The following MED1 variants were observed in gnomAD, a reference collection of about 807,000 sequenced individuals.
The protein encoded by MED1 is mediator of RNA polymerase II transcription subunit 1.
Under a neutral mutation model 121.3 loss-of-function variants are expected in MED1, and 17 were observed. The observed-to-expected ratio is 0.14, with a 90% CI of 0.10 to 0.21. MED1 has a LOEUF of 0.21. Among genes scored for constraint, MED1 ranks in the 10% least tolerant of loss-of-function variants. The pLI is 1.00. For missense variants in MED1, 1,558 were observed against 1,919.4 expected (o/e 0.81, Z 3.52); for synonymous variants, 661 against 694.4 (o/e 0.95, Z 0.76).
At chr17:39,423,936 G>C in intron 11 of MED1, 115 bp from the exon 12 acceptor site, 1 of 1,233,732 alleles carries the variant, frequency 8.1e-7, no homozygotes, top group Non-Finnish European at 1.1e-6. Flanking sequence ...AGGCTAGAGT[G>C]CAATGGCGTG....
rs2048318195 is a variant in MED1 at position 39,407,877 on chromosome 17, G to A, written c.4344C>T (p.Pro1448=). 1.2e-6 allele frequency: 2 copies of A among 1,614,030 alleles called. No homozygotes were observed. Among genetic ancestry groups the A allele is most frequent in the Admixed American group, 1.7e-5 (1 of 60,000 alleles). The change falls in exon 17 of 17, where the codon CCC becomes CCT. Residue 1448 remains proline (P), a synonymous_variant. Transcript: ENST00000300651. ...GSTPKHERGS[P]SHSKSPAYTP... ...TATATGCTGGTGACTTACTATGGCT[G>A]GGAGAGCCACGCTCATGCTTTGGAG...
At chr17:39,427,571 G>T in intron 10 of MED1, 130 bp downstream of exon 10, 1 of 622,070 alleles carries the variant, frequency 1.6e-6, no homozygotes, top group Non-Finnish European at 2.9e-6. Context: ...ACATATACGT[G>T]TGTGAGGTGT....
At position 39,432,016 on chromosome 17, in the gene MED1, G is replaced by T; in HGVS notation, c.501C>A (p.Asn167Lys). 1 of 1,600,212 alleles carries T rather than the reference G, an allele frequency of 6.2e-7. No homozygotes were observed. The highest frequency in any genetic ancestry group is 8.6e-7 in the Non-Finnish European group (1 of 1,167,598). Residue 167 changes from asparagine to lysine, a missense_variant and splice_region_variant, in exon 8 of 17, where the codon AAC (asparagine) becomes AAA (lysine). Physicochemically the swap from Asn to Lys is moderately conservative, Grantham distance 94. Transcript: ENST00000300651. ...CCAAGTACATTTTAGTCTTCAGTTT[G>T]CTGGAGAGTAGATGAGAAGAACATG... ...LVNLYNLPGD[N>K]KLKTKMYLAL... is the part of the protein sequence containing the mutation.
In MED1 at chr17:39,405,221, G is replaced by A; in HGVS notation, c.*2254C>T. 2 of 1,578,682 alleles carry A rather than the reference G, an allele frequency of 1.3e-6. No homozygotes were observed. Among genetic ancestry groups the A allele is most frequent in the Non-Finnish European group, 1.7e-6 (2 of 1,161,874 alleles). ...TTAGCCCCGGCTCCCTGTTAAGCAA[G>A]TTCAGATGCTGGGTCAGTGTGGGGG... is the stretch of plus-strand genomic sequence containing the variant. On this transcript the variant is annotated 3_prime_UTR_variant, in exon 17 of 17. Transcript: ENST00000300651.
intron 16 of MED1, among the ~76,000 whole-genome samples, chr17:39,411,549 G>A (rs1567639860): frequency 1.3e-5 from 2 of 152,138 alleles, no homozygotes; most frequent in Admixed American, 6.6e-5. Flanking sequence ...TTGAACCCAG[G>A]AGGCAGAGAT....
At chr17:39,422,020 C>G (rs1164807825) in intron 13 of MED1, among the ~76,000 whole-genome samples, 2 of 149,000 alleles carry the variant, frequency 1.3e-5, no homozygotes, top group East Asian at 2.1e-4. Context: ...CCCAGCTACT[C>G]AGGAGGCTGA....
intron 7 of MED1, among the ~76,000 whole-genome samples, chr17:39,433,245 C>T (rs1157013693): frequency 2.0e-5 from 3 of 150,456 alleles, no homozygotes; most frequent in East Asian, 2.0e-4. Flanking sequence ...GGCGCATAGC[C>T]GTAAACCCAG....
In MED1 at chr17:39,407,216, C is replaced by A. The variant is rs2048310537; in HGVS notation, c.*259G>T. ...CCCTACACCCCTCCCACCCCCCTCC[C>A]TTTCTTAAGCAAGTATTTTAACTTT... On this transcript the variant is annotated 3_prime_UTR_variant, in exon 17 of 17. Coordinates refer to ENST00000300651, the MANE Select transcript of MED1 (RefSeq NM_004774.4). The A allele has an allele frequency of 5.6e-5, 20 of 357,194 alleles. No individual in the cohort carries two copies. The highest frequency in any genetic ancestry group is 6.9e-5 in the Non-Finnish European group (19 of 274,944). 22.1% of individuals were successfully genotyped at this position (357,194 alleles called of 1,614,324 possible).
chr17:39,417,897 G>C (rs757787111), intron 14 of MED1, among the ~76,000 whole-genome samples: 11 of 151,850 alleles, frequency 7.2e-5, no homozygotes, highest in Non-Finnish European at 1.0e-4. Flanking sequence ...TAGGAGGGTG[G>C]ATCACGAGGT....
At position 39,410,349 on chromosome 17, in the gene MED1, A is replaced by G; in HGVS notation, c.1872T>C (p.Pro624=). ...GGSTIGSSPT[P]PHHTPPPVSS... ...AGACAGGTGGCGGCGTGTGATGAGG[A>G]GGGGTCGGACTCGAGCCAATGGTAG... is the stretch of plus-strand genomic sequence containing the variant. Residue 624 remains proline, a synonymous_variant, in exon 17 of 17, where the codon CCT becomes CCC. Transcript: ENST00000300651. 1 of 1,613,634 alleles carries G rather than the reference A, an allele frequency of 6.2e-7. No homozygotes were observed. The highest frequency in any genetic ancestry group is 8.5e-7 in the Non-Finnish European group (1 of 1,179,888).
chr17:39,450,575 C>A (rs1053162158), intron 1 of MED1, among the ~76,000 whole-genome samples: 1 of 152,112 alleles, frequency 6.6e-6, no homozygotes, highest in Non-Finnish European at 1.5e-5. Context: ...AATAAAAGAA[C>A]GAAATTCAGC....
intron 9 of MED1, among the ~76,000 whole-genome samples, chr17:39,428,812 C>A (rs2048538378): frequency 6.6e-6 from 1 of 151,752 alleles, no homozygotes; most frequent in Non-Finnish European, 1.5e-5. Context: ...ATTAGCCAGG[C>A]ATGGTGGCTC....
chr17:39,413,432 T>C (rs770348377), intron 16 of MED1, among the ~76,000 whole-genome samples: 5 of 152,078 alleles, frequency 3.3e-5, no homozygotes, highest in Non-Finnish European at 5.9e-5. Flanking sequence ...TCGGTTAATT[T>C]TCGTATTTTT....
chr17:39,450,283 T>C (rs528697565), intron 1 of MED1, among the ~76,000 whole-genome samples: 1 of 152,280 alleles, frequency 6.6e-6, no homozygotes, highest in South Asian at 2.1e-4. Flanking sequence ...AACACACTCT[T>C]TGTTTTTCTT....
At position 39,431,185 on chromosome 17, in the gene MED1, T is replaced by C. The variant is rs2048561946; in HGVS notation, c.579A>G (p.Lys193=). Residue 193 remains lysine (K), a synonymous_variant, in exon 9 of 17, where the codon AAA becomes AAG. Transcript: ENST00000300651. ...DLSKMAIMYW[K]ATNAGPLDKI... is the part of the protein sequence containing the mutation. The stretch of plus-strand genomic sequence containing the variant: ...TATCCAAGGGACCAGCATTAGTTGC[T>C]TTCCTGTAAGACAAGTGATCTATGT... The C allele has an allele frequency of 1.9e-6, 3 of 1,611,004 alleles. No individual in the cohort carries two copies. Among genetic ancestry groups the C allele is most frequent in the African/African-American group, 1.3e-5 (1 of 74,838 alleles).
At chr17:39,410,770 T>G (rs759742137) in intron 16 of MED1, 49 bp from the exon 17 acceptor site, 2 of 1,537,662 alleles carry the variant, frequency 1.3e-6, no homozygotes, top group Non-Finnish European at 1.8e-6. Flanking sequence ...AGCTGCTGAA[T>G]GAGACCTGAG....
At chr17:39,438,062 G>A (rs1384933696) in intron 6 of MED1, among the ~76,000 whole-genome samples, 1 of 151,564 alleles carries the variant, frequency 6.6e-6, no homozygotes, top group Non-Finnish European at 1.5e-5. Context: ...AAACAGAAAA[G>A]AAAAGAAAAG....
In MED1 at chr17:39,436,468, G is replaced by T. The variant is rs9891599; in HGVS notation, c.429-2148C>A. ...TCCTCATGTGGTGCCTGAGAACTTC[G>T]CAATGCTCAAAACAAAGTGTATGTA... On this transcript the variant is annotated intron_variant, in intron 6 of 16. Coordinates refer to ENST00000300651, the MANE Select transcript of MED1 (RefSeq NM_004774.4). Among the ~76,000 whole-genome samples the T allele has an allele frequency of 2.1e-3, 316 of 150,984 alleles. 2 individuals are homozygous for T. The highest frequency in any genetic ancestry group is 7.4e-3 in the African/African-American group (304 of 41,088).
chr17:39,446,853 C>A (rs1018655351), intron 2 of MED1, among the ~76,000 whole-genome samples: 2 of 151,592 alleles, frequency 1.3e-5, no homozygotes, highest in African/African-American at 2.4e-5. Flanking sequence ...GGTGGGAGAA[C>A]CACCTGAGCC....
Sources: allele counts gnomAD v4.1 joint callset (sites outside exome capture counted in the v4.1 genomes callset), GRCh38; gene constraint gnomAD v4.1.1; transcripts MANE v1.5; gene names NCBI Gene and HGNC (gene_info 2026-07-23, HGNC 2026-07-21).